The following HEATR5A variants were observed in gnomAD, a reference collection of about 807,000 sequenced individuals.
HEATR5A encodes the protein HEAT repeat containing 5A.
A neutral mutation model predicts 218.8 loss-of-function variants in HEATR5A; 178 were observed. The ratio of observed to expected loss-of-function variants is 0.81; its 90% confidence interval spans 0.72 to 0.92. The LOEUF (loss-of-function observed/expected upper bound fraction) is 0.92. Among genes scored for constraint, HEATR5A ranks in the 40% least tolerant of loss-of-function variants. The probability of loss-of-function intolerance (pLI) is 0.00; values close to 1 mark genes in which losing one functional copy is unlikely to be tolerated. For missense variants in HEATR5A, 2,420 were observed against 2,418.9 expected (o/e 1.00, Z -0.01); for synonymous variants, 864 against 871.6 (o/e 0.99, Z 0.15).
intron 31 of HEATR5A, among the ~76,000 whole-genome samples, chr14:31,305,783 C>T (rs553199677): frequency 1.1e-4 from 16 of 152,238 alleles, no homozygotes; most frequent in Admixed American, 2.0e-4. Flanking sequence ...TGTGACCTTA[C>T]GTATCGATGG....
chr14:31,327,941 T>C lies in HEATR5A; in HGVS notation c.3368-1599A>G, dbSNP rs189793910. Among the ~76,000 whole-genome samples the C allele has an allele frequency of 3.9e-4, 59 of 152,284 alleles. 1 individual carries two copies. In the East Asian group the frequency reaches 8.7e-3, roughly 22 times the overall value. ...ATGTAGATTTGAAAGGTTATATTATTAGTAGACTATTCTATTTATTTATTG... is the reference window on the plus strand; with the variant it reads ...ATGTAGATTTGAAAGGTTATATTATCAGTAGACTATTCTATTTATTTATTG... On this transcript the variant is annotated intron_variant, in intron 22 of 35. Transcript: ENST00000543095.
At chr14:31,390,350 G>T (rs1295729730) in intron 6 of HEATR5A, among the ~76,000 whole-genome samples, 4 of 152,104 alleles carry the variant, frequency 2.6e-5, no homozygotes, top group African/African-American at 9.7e-5. Context: ...GTTGAGAGAA[G>T]ATTATAGAGG....
At chr14:31,302,219 A>AAAT in intron 33 of HEATR5A, 76 bp downstream of exon 33, 1 of 1,051,048 alleles carries the variant, frequency 9.5e-7, no homozygotes, top group Non-Finnish European at 1.4e-6. Flanking sequence ...TGATCAAGTA[A>AAAT]AATATCTTAT....
rs531140985 is a variant in HEATR5A at position 31,307,392 on chromosome 14, G to A, written c.4818+501C>T. Among the ~76,000 whole-genome samples the A allele has an allele frequency of 4.6e-5, 7 of 152,194 alleles. No individual in the cohort carries two copies. The South Asian group carries it at 1.2e-3, about 27-fold the overall frequency. ...TTTGTACAGGAACCCTTTTCCCATG[G>A]CCACACCCAAGTCAGATATTAGTAC... On this transcript the variant is annotated intron_variant, in intron 30 of 35. Coordinates refer to ENST00000543095, the MANE Select transcript of HEATR5A (RefSeq NM_015473.4).
chr14:31,371,767 A>G, intron 13 of HEATR5A, 43 bp downstream of exon 13: 1 of 951,160 alleles, frequency 1.1e-6, no homozygotes, highest in East Asian at 2.9e-5. Flanking sequence ...GGAATATTAC[A>G]TAATCAGAGG....
At chr14:31,303,744 AAGAAAAATT>A (rs1899464727) in intron 32 of HEATR5A, among the ~76,000 whole-genome samples, 1 of 152,192 alleles carries the variant, frequency 6.6e-6, no homozygotes, top group African/African-American at 2.4e-5. Flanking sequence ...TTGAACCATG[AAGAAAAATT>A]TTAAAAAGCA....
At chr14:31,410,456 T>C (rs1047740854) in intron 1 of HEATR5A, among the ~76,000 whole-genome samples, 28 of 152,328 alleles carry the variant, frequency 1.8e-4, no homozygotes, top group Middle Eastern at 3.4e-3. Context: ...GATTTAGGCT[T>C]TGCAAAATTA....
chr14:31,307,672 GA>G (rs1899598922), intron 30 of HEATR5A, among the ~76,000 whole-genome samples: 1 of 152,188 alleles, frequency 6.6e-6, no homozygotes. Context: ...CATCATTGCA[GA>G]AAGAAGCAGA....
Position 31,392,705 on chromosome 14 carries a change from G to T in HEATR5A, c.772+1347C>A, listed in dbSNP as rs1206450833. Among the ~76,000 whole-genome samples, 4 of 152,166 alleles carry T rather than the reference G, an allele frequency of 2.6e-5. No homozygotes were observed. In the East Asian group the frequency reaches 7.7e-4, roughly 29 times the overall value. ...AATGTTCCAAATTGTTTTAAACTCA[G>T]TGCTTGATCCTCCTCCCTGACACAT... On this transcript the variant is annotated intron_variant, in intron 6 of 35. Transcript: ENST00000543095.
chr14:31,300,328 C>G (rs191524202), intron 33 of HEATR5A, among the ~76,000 whole-genome samples: 1 of 151,470 alleles, frequency 6.6e-6, no homozygotes. Context: ...CTCTGTTGCC[C>G]AGGCTGGAGT....
intron 22 of HEATR5A, among the ~76,000 whole-genome samples, chr14:31,334,037 C>CAAAAAAAAAAAAAAAAAAAAAAAAAAAAA (rs58087742): frequency 1.1e-5 from 1 of 87,920 alleles, no homozygotes; most frequent in African/African-American, 4.4e-5. Context: ...GACCCTGTCT[C>CAAAAAAAAAAAAAAAAAAAAAAAAAAAAA]AAAAAAAAAA....
rs147661840 is a variant in HEATR5A at position 31,383,989 on chromosome 14, C to G, written c.1346-218G>C. Among the ~76,000 whole-genome samples the G allele has an allele frequency of 4.6e-5, 7 of 152,282 alleles. No homozygotes were observed. In the East Asian group the frequency reaches 1.3e-3, roughly 29 times the overall value. On this transcript the variant is annotated intron_variant, in intron 9 of 35. Coordinates refer to ENST00000543095, the MANE Select transcript of HEATR5A (RefSeq NM_015473.4). Reference sequence around the variant, plus strand: ...AAATAATTTTCTAACCTAAGAATCACTTCTACTAATATATCTCATGAAAGT... The same window carrying G: ...AAATAATTTTCTAACCTAAGAATCAGTTCTACTAATATATCTCATGAAAGT...
intron 10 of HEATR5A, among the ~76,000 whole-genome samples, chr14:31,381,390 A>G (rs969942141): frequency 6.6e-6 from 1 of 152,008 alleles, no homozygotes; most frequent in Non-Finnish European, 1.5e-5. Flanking sequence ...TTATAGTAAA[A>G]AAGTCTATGA....
At chr14:31,338,779 T>C (rs1036034507) in intron 21 of HEATR5A, among the ~76,000 whole-genome samples, 36 of 152,088 alleles carry the variant, frequency 2.4e-4, no homozygotes, top group African/African-American at 8.5e-4. Context: ...AGAGGCTAAA[T>C]TTTGGGAGGA....
intron 16 of HEATR5A, among the ~76,000 whole-genome samples, chr14:31,354,862 A>T (rs907399721): frequency 3.3e-5 from 5 of 152,226 alleles, no homozygotes; most frequent in African/African-American, 1.2e-4. Context: ...GAGAATTATA[A>T]CTGTTTAAGC....
Position 31,302,411 on chromosome 14 carries a change from A to G in HEATR5A, c.5348T>C (p.Leu1783Pro). The G allele has an allele frequency of 2.5e-6, 4 of 1,600,316 alleles. No homozygotes were observed. Among genetic ancestry groups the G allele is most frequent in the Non-Finnish European group, 2.6e-6 (3 of 1,173,034 alleles). ...AGATAATATTCCTTTTAGAGCCTGT[A>G]GGGAAGCTGCAACTGTCGAAGATAA... ...GQLSSTVAAS[L>P]QALKGILSSP... Residue 1783 changes from leucine to proline, a missense_variant, in exon 33 of 36, where the codon CTA becomes CCA. Physicochemically the swap from Leu to Pro is moderately conservative, Grantham distance 98. Transcript: ENST00000543095.
In HEATR5A at chr14:31,323,616, C is replaced by T. The variant is rs750893859; in HGVS notation, c.3736G>A (p.Ala1246Thr). Residue 1246 changes from alanine (A) to threonine (T), a missense_variant, in exon 24 of 36, where the codon GCA becomes ACA. Ala to Thr is a moderately conservative substitution (Grantham distance 58, BLOSUM62 0). Transcript: ENST00000543095. ...IINQCENANS[A>T]HFDIALAQEM... ...TGTGCTAAAGCAATGTCAAAATGTG[C>T]ACTGTTAGCATTCTCACATTGGTTA... The T allele has an allele frequency of 1.9e-5, 31 of 1,611,910 alleles. No homozygotes were observed. The highest frequency in any genetic ancestry group is 2.6e-5 in the Non-Finnish European group (31 of 1,178,396).
At chr14:31,329,993 G>T (rs551152613) in intron 22 of HEATR5A, among the ~76,000 whole-genome samples, 1 of 152,238 alleles carries the variant, frequency 6.6e-6, no homozygotes, top group East Asian at 1.9e-4. Context: ...TTATGGGCGT[G>T]AGCCATCATG....
Position 31,326,172 on chromosome 14 carries a change from C to T in HEATR5A, c.3538G>A (p.Ala1180Thr). The T allele has an allele frequency of 6.2e-7, 1 of 1,610,230 alleles. No homozygotes were observed. Among genetic ancestry groups the T allele is most frequent in the East Asian group, 2.2e-5 (1 of 44,808 alleles). ...AATGTCCAATACTTACCAGCTGATG[C>T]AGCAAGTACATCTTTACAAAGCTTT... ...WLKLCKDVLAASADFTAVTCV... is the reference protein window; with the variant it reads ...WLKLCKDVLATSADFTAVTCV... Residue 1180 changes from alanine to threonine, a missense_variant, in exon 23 of 36, where the codon GCA becomes ACA. Ala to Thr is a moderately conservative substitution (Grantham distance 58). Coordinates refer to ENST00000543095, the MANE Select transcript of HEATR5A (RefSeq NM_015473.4).
Sources: gnomAD v4.1 joint callset for allele counts (sites outside exome capture counted in the v4.1 genomes callset) on GRCh38, gnomAD v4.1.1 for gene constraint, MANE v1.5 for transcripts, NCBI Gene and HGNC (gene_info 2026-07-23, HGNC 2026-07-21) for gene names.